The following CNTNAP4 variants were observed in gnomAD, a reference collection of about 807,000 sequenced individuals.
CNTNAP4 encodes contactin associated protein family member 4.
CNTNAP4 carries 98 observed loss-of-function variants against 148.4 expected under a neutral mutation model. That is an observed-to-expected ratio of 0.66 (90% confidence interval 0.56 to 0.78). CNTNAP4 has a LOEUF of 0.78. Among genes scored for constraint, CNTNAP4 ranks in the 30% least tolerant of loss-of-function variants. The probability of loss-of-function intolerance (pLI) is 0.00; values close to 1 mark genes in which losing one functional copy is unlikely to be tolerated. For synonymous variants in CNTNAP4, 730 were observed against 565.1 expected (o/e 1.29, Z -4.14); for missense variants, 1,935 against 1,565.6 (o/e 1.24, Z -3.98).
intron 2 of CNTNAP4, 72 bp downstream of exon 2, chr16:76,316,595 C>A: frequency 1.1e-6 from 1 of 951,918 alleles, no homozygotes; most frequent in South Asian, 1.4e-5. Context: ...TGCATACAGT[C>A]ATTATGAATG....
chr16:76,481,040 TAAAC>T (rs1004767481), intron 12 of CNTNAP4, among the ~76,000 whole-genome samples: 1 of 152,168 alleles, frequency 6.6e-6, no homozygotes, highest in Non-Finnish European at 1.5e-5. Context: ...GTCACAAAGA[TAAAC>T]AAATAAACCA....
intron 1 of CNTNAP4, among the ~76,000 whole-genome samples, chr16:76,294,565 A>G (rs371737122): frequency 2.0e-5 from 3 of 152,200 alleles, no homozygotes; most frequent in Non-Finnish European, 4.4e-5. Context: ...AAAGAAAGAA[A>G]CTAAATATGT....
At chr16:76,312,658 C>T (rs527763980) in intron 1 of CNTNAP4, among the ~76,000 whole-genome samples, 1 of 152,232 alleles carries the variant, frequency 6.6e-6, no homozygotes, top group Admixed American at 6.5e-5. Flanking sequence ...TCTGATGGAA[C>T]TCCTACACTT....
At chr16:76,309,864 T>G in intron 1 of CNTNAP4, 1 of 701,484 alleles carries the variant, frequency 1.4e-6, no homozygotes, top group Non-Finnish European at 2.6e-6. Context: ...CATTTTCTCT[T>G]GCAGCCGCCA....
chr16:76,422,557 C>T (rs540130818), intron 3 of CNTNAP4, among the ~76,000 whole-genome samples: 1 of 152,138 alleles, frequency 6.6e-6, no homozygotes, highest in Admixed American at 6.6e-5. Flanking sequence ...ATTAAATTTC[C>T]TCTAGGGTAA....
intron 21 of CNTNAP4, among the ~76,000 whole-genome samples, chr16:76,552,893 G>A (rs1401727628): frequency 1.6e-4 from 25 of 152,118 alleles, no homozygotes; most frequent in Admixed American, 1.6e-3. Flanking sequence ...CTTGAAACCT[G>A]TACTGAACTT....
chr16:76,464,493 G>A (rs2081105016), intron 9 of CNTNAP4, among the ~76,000 whole-genome samples: 1 of 152,156 alleles, frequency 6.6e-6, no homozygotes. Flanking sequence ...AGATAAGGCT[G>A]CTCTCTATCA....
chr16:76,310,153 C>G (rs1960944386), intron 1 of CNTNAP4, among the ~76,000 whole-genome samples: 1 of 152,000 alleles, frequency 6.6e-6, no homozygotes. Flanking sequence ...TGTATTCAGT[C>G]TCTCGTTGGG....
intron 1 of CNTNAP4, 46 bp from the exon 2 acceptor site, chr16:76,316,367 G>C: frequency 8.0e-7 from 1 of 1,250,004 alleles, no homozygotes; most frequent in Non-Finnish European, 1.2e-6. Context: ...TTCCACGAAA[G>C]CCTCAGCACT....
intron 3 of CNTNAP4, among the ~76,000 whole-genome samples, chr16:76,356,480 G>A (rs1397923865): frequency 6.6e-6 from 1 of 152,156 alleles, no homozygotes; most frequent in Non-Finnish European, 1.5e-5. Flanking sequence ...GATATTTGTA[G>A]TTGATTGATA....
chr16:76,510,153 C>T lies in CNTNAP4; in HGVS notation c.2366-10987C>T, dbSNP rs145661382. 5.1e-3 allele frequency among the ~76,000 whole-genome samples: 771 copies of T among 151,644 alleles called. 100 individuals carry two copies. The highest frequency in any genetic ancestry group is 0.01 in the Middle Eastern group (3 of 286). Reference sequence around the variant, plus strand: ...TTCCAGACACTGTCCATTTCACGCACTCCCCATCCCAGCCCTAAGCAACCA... The same window carrying T: ...TTCCAGACACTGTCCATTTCACGCATTCCCCATCCCAGCCCTAAGCAACCA... On this transcript the variant is annotated intron_variant, in intron 15 of 23. Transcript: ENST00000611870.
At chr16:76,463,047 C>G (rs1007055361) in intron 9 of CNTNAP4, among the ~76,000 whole-genome samples, 21 of 152,138 alleles carry the variant, frequency 1.4e-4, no homozygotes, top group African/African-American at 4.8e-4. Flanking sequence ...AAAAAAACTG[C>G]TACATAATCC....
intron 4 of CNTNAP4, among the ~76,000 whole-genome samples, chr16:76,445,823 T>C (rs530329861): frequency 5.8e-4 from 88 of 152,320 alleles, no homozygotes; most frequent in Admixed American, 9.8e-4. Flanking sequence ...CTTTAAGTGA[T>C]ACATTAACTC....
intron 4 of CNTNAP4, among the ~76,000 whole-genome samples, chr16:76,445,686 G>A (rs567802641): frequency 1.3e-4 from 20 of 150,894 alleles, no homozygotes; most frequent in Middle Eastern, 6.8e-3. Context: ...TAACAGCAGC[G>A]AAAAAGAAAA....
chr16:76,296,644 CAGAG>C (rs150169301), intron 1 of CNTNAP4, among the ~76,000 whole-genome samples: 6 of 149,074 alleles, frequency 4.0e-5, no homozygotes, highest in Non-Finnish European at 7.5e-5. Context: ...AAGAGAGAGG[CAGAG>C]AGAGAGAGAG....
chr16:76,542,547 G>C (rs74025043), intron 21 of CNTNAP4, among the ~76,000 whole-genome samples: 5,540 of 152,124 alleles, frequency 0.036, 307 homozygotes, highest in African/African-American at 0.12. Flanking sequence ...CGTGCAGGTG[G>C]CTGGGAAAGG....
intron 21 of CNTNAP4, among the ~76,000 whole-genome samples, chr16:76,551,097 C>T (rs573614358): frequency 2.6e-5 from 4 of 152,108 alleles, no homozygotes; most frequent in Admixed American, 2.6e-4. Context: ...AATAGAGCCC[C>T]TCAAAATTCT....
rs1002768434 is a variant in CNTNAP4, at chr16:76,315,069, T to A, written c.86-1344T>A. 2.7e-5 allele frequency among the ~76,000 whole-genome samples: 4 copies of A among 149,502 alleles called. No homozygotes were observed. In the East Asian group the frequency reaches 5.8e-4, roughly 22 times the overall value. ...TGTCGCTTCTAAGATTCAACTATTT[T>A]GTTTTGTGTTGTTGTTGTTTCTTTT... On this transcript the variant is annotated intron_variant, in intron 1 of 23. Coordinates refer to ENST00000611870, the MANE Select transcript of CNTNAP4 (RefSeq NM_033401.5).
chr16:76,281,348 G>A (rs1467707591), intron 1 of CNTNAP4, among the ~76,000 whole-genome samples: 2 of 152,002 alleles, frequency 1.3e-5, no homozygotes, highest in Admixed American at 6.6e-5. Context: ...AGATCAGCAC[G>A]TACTTTGACT....
Sources: allele counts gnomAD v4.1 joint callset (sites outside exome capture counted in the v4.1 genomes callset), GRCh38; gene constraint gnomAD v4.1.1; transcripts MANE v1.5; gene names NCBI Gene and HGNC (gene_info 2026-07-23, HGNC 2026-07-21).